Variants in FOXK2 observed in about 807,000 individuals in gnomAD.
The protein encoded by FOXK2 is forkhead box K2.
A neutral mutation model predicts 53.3 loss-of-function variants in FOXK2; 24 were observed. That is an observed-to-expected ratio of 0.45 (90% CI 0.33 to 0.63). FOXK2 has a LOEUF of 0.63. Ranked by LOEUF, FOXK2 falls within the 30% of genes least tolerant of loss-of-function variation. The pLI is 0.03. For synonymous variants in FOXK2, 505 were observed against 407.1 expected, an observed-to-expected ratio of 1.24 and a Z score of -2.89; for missense variants, 952 against 910.5, an observed-to-expected ratio of 1.05 and a Z score of -0.59.
chr17:82,601,287 C>A lies in FOXK2; in HGVS notation c.1787-16C>A. 6.2e-7 allele frequency: 1 copy of A among 1,605,836 alleles called. No homozygotes were observed. The highest frequency in any genetic ancestry group is 2.3e-5 in the East Asian group (1 of 43,642). On this transcript the variant is annotated splice_polypyrimidine_tract_variant and intron_variant, in intron 8 of 8. Coordinates refer to ENST00000335255, the MANE Select transcript of FOXK2 (RefSeq NM_004514.4). ...ACGTGAGAGCGTGGGGTTCTGACTCCCTCGTGTCATTTCAGCCGCGGCGAG... is the reference window on the plus strand; with the variant it reads ...ACGTGAGAGCGTGGGGTTCTGACTCACTCGTGTCATTTCAGCCGCGGCGAG...
chr17:82,547,458 G>A (rs907891681), intron 1 of FOXK2, among the ~76,000 whole-genome samples: 1 of 152,094 alleles, frequency 6.6e-6, no homozygotes, highest in African/African-American at 2.4e-5. Context: ...GCAGCCCACG[G>A]GCCGTGGGTT....
intron 1 of FOXK2, among the ~76,000 whole-genome samples, chr17:82,550,084 A>C (rs2044661652): frequency 6.6e-6 from 1 of 152,142 alleles, no homozygotes; most frequent in Admixed American, 6.5e-5. Context: ...CTGTAGTCCC[A>C]GCTATTCAGG....
intron 1 of FOXK2, among the ~76,000 whole-genome samples, chr17:82,532,573 G>T (rs1363938163): frequency 6.6e-6 from 1 of 152,040 alleles, no homozygotes; most frequent in Non-Finnish European, 1.5e-5. Flanking sequence ...ACATTGTGCA[G>T]ACATAAAAAA....
intron 1 of FOXK2, among the ~76,000 whole-genome samples, chr17:82,540,745 C>T (rs2044567226): frequency 6.6e-6 from 1 of 152,184 alleles, no homozygotes; most frequent in South Asian, 2.1e-4. Flanking sequence ...AAATAGTTAT[C>T]AAGTTAGCAG....
chr17:82,551,542 G>A (rs547414643), intron 1 of FOXK2, among the ~76,000 whole-genome samples: 1 of 152,070 alleles, frequency 6.6e-6, no homozygotes, highest in Non-Finnish European at 1.5e-5. Context: ...TTAGCCAGGT[G>A]TGGGGACATG....
chr17:82,550,549 C>T (rs546007568), intron 1 of FOXK2, among the ~76,000 whole-genome samples: 7 of 144,514 alleles, frequency 4.8e-5, no homozygotes, highest in African/African-American at 1.5e-4. Context: ...GTCCCCCAGG[C>T]GGGAGTGCAG....
intron 8 of FOXK2, chr17:82,587,686 C>T (rs2045205042): frequency 7.1e-6 from 2 of 281,286 alleles, no homozygotes; most frequent in Non-Finnish European, 7.0e-6. Context: ...TCTCAGAGTC[C>T]GTCCGAGGCC....
At chr17:82,555,140 G>C (rs1321544242) in intron 1 of FOXK2, among the ~76,000 whole-genome samples, 1 of 152,192 alleles carries the variant, frequency 6.6e-6, no homozygotes, top group Non-Finnish European at 1.5e-5. Flanking sequence ...GTGTCTTCCA[G>C]ACACTTAAAC....
At chr17:82,579,266 C>T (rs371522353) in intron 4 of FOXK2, among the ~76,000 whole-genome samples, 34 of 152,304 alleles carry the variant, frequency 2.2e-4, no homozygotes, top group African/African-American at 8.2e-4. Flanking sequence ...GCTTTGCCTT[C>T]TCTGTCTTTG....
At chr17:82,570,516 C>G (rs1191138617) in intron 3 of FOXK2, among the ~76,000 whole-genome samples, 1 of 152,162 alleles carries the variant, frequency 6.6e-6, no homozygotes, top group Non-Finnish European at 1.5e-5. Context: ...ACAAACGTCC[C>G]TCTGCCCACT....
chr17:82,554,053 C>T (rs1238520979), intron 1 of FOXK2, among the ~76,000 whole-genome samples: 2 of 152,072 alleles, frequency 1.3e-5, no homozygotes, highest in South Asian at 2.1e-4. Context: ...AGGATGGTCT[C>T]GAACTCCTGA....
intron 1 of FOXK2, among the ~76,000 whole-genome samples, chr17:82,554,816 C>G (rs1308423333): frequency 1.3e-5 from 2 of 151,088 alleles, no homozygotes; most frequent in East Asian, 3.9e-4. Context: ...TCGATCTGGG[C>G]TCACTGCAAC....
intron 1 of FOXK2, among the ~76,000 whole-genome samples, chr17:82,558,717 A>C (rs1302218899): frequency 3.3e-5 from 5 of 151,396 alleles, no homozygotes; most frequent in Non-Finnish European, 5.9e-5. Flanking sequence ...CACAGTGGAC[A>C]CCAGATGTGT....
intron 3 of FOXK2, among the ~76,000 whole-genome samples, chr17:82,569,145 C>G (rs2044885399): frequency 6.6e-6 from 1 of 152,160 alleles, no homozygotes; most frequent in Non-Finnish European, 1.5e-5. Context: ...AGATGTAATG[C>G]TGAGTGGAAG....
At chr17:82,573,481 G>A (rs960424431) in intron 4 of FOXK2, among the ~76,000 whole-genome samples, 9 of 151,548 alleles carry the variant, frequency 5.9e-5, no homozygotes, top group Admixed American at 3.3e-4. Flanking sequence ...AATTCTGGCC[G>A]TATTTACTCT....
intron 4 of FOXK2, among the ~76,000 whole-genome samples, chr17:82,573,954 T>C (rs371077778): frequency 1.9e-4 from 29 of 152,340 alleles, no homozygotes; most frequent in African/African-American, 6.7e-4. Flanking sequence ...GACAGGTCTT[T>C]TGGGGAGCAG....
chr17:82,568,010 T>C (rs2044870769), intron 2 of FOXK2, 44 bp from the exon 3 acceptor site: 1 of 1,530,166 alleles, frequency 6.5e-7, no homozygotes, highest in Non-Finnish European at 8.7e-7. Flanking sequence ...GTAGGATGCG[T>C]GCACTGTGAT....
intron 8 of FOXK2, among the ~76,000 whole-genome samples, chr17:82,598,507 C>CT (rs2045343239): frequency 6.6e-6 from 1 of 152,194 alleles, no homozygotes; most frequent in African/African-American, 2.4e-5. Flanking sequence ...AGATGGAAGA[C>CT]TTTAGCATGA....
At chr17:82,560,148 C>T (rs562760567) in intron 1 of FOXK2, among the ~76,000 whole-genome samples, 5 of 151,626 alleles carry the variant, frequency 3.3e-5, no homozygotes, top group African/African-American at 7.3e-5. Context: ...TGGGATTACA[C>T]GTGTGTGCCA....
Sources: gnomAD v4.1 joint callset for allele counts (sites outside exome capture counted in the v4.1 genomes callset) on GRCh38, gnomAD v4.1.1 for gene constraint, MANE v1.5 for transcripts, NCBI Gene and HGNC (gene_info 2026-07-23, HGNC 2026-07-21) for gene names.